BTD: variants seen among roughly 807,000 people sequenced by gnomAD.
The protein encoded by BTD is biocytinase.
BTD carries 13 observed loss-of-function variants against 17.7 expected under a neutral mutation model. That is an observed-to-expected ratio of 0.74 (90% CI 0.48 to 1.17). The LOEUF (loss-of-function observed/expected upper bound fraction) is 1.17. BTD is among the 50% of genes most tolerant of loss of function. The pLI is 0.00. For missense variants in BTD, 674 were observed against 650.4 expected (o/e 1.04, Z -0.39); for synonymous variants, 240 against 245.2 (o/e 0.98, Z 0.20).
intron 3 of BTD, chr3:15,679,260 G>A (rs1172526943): frequency 6.4e-7 from 1 of 1,568,980 alleles, no homozygotes; most frequent in Non-Finnish European, 8.8e-7. Flanking sequence ...ATGAGCCACT[G>A]TGCCTGGCTA....
chr3:15,720,481 TG>T (rs1438946280), intron 4 of BTD, among the ~76,000 whole-genome samples: 1 of 152,214 alleles, frequency 6.6e-6, no homozygotes, highest in Non-Finnish European at 1.5e-5. Flanking sequence ...GTTAAACATC[TG>T]TTTAGTATTT....
intron 3 of BTD, chr3:15,689,993 T>C (rs2068600387): frequency 6.4e-7 from 1 of 1,559,144 alleles, no homozygotes; most frequent in Non-Finnish European, 8.7e-7. Context: ...AAGTTATAAA[T>C]AAATCAAGCA....
chr3:15,678,473 C>A, intron 3 of BTD: 1 of 880,150 alleles, frequency 1.1e-6, no homozygotes, highest in South Asian at 2.2e-5. Context: ...TACAAAAGCA[C>A]TGCCTGTACA....
chr3:15,699,619 T>C (rs1390031683), intron 3 of BTD, among the ~76,000 whole-genome samples: 6 of 152,062 alleles, frequency 3.9e-5, no homozygotes, highest in African/African-American at 7.2e-5. Context: ...ATGCAGCCAA[T>C]AGACATACAA....
In BTD at chr3:15,649,612, C is replaced by T. The variant is rs2065768889; in HGVS notation, c.*4124C>T. 6.6e-6 allele frequency among the ~76,000 whole-genome samples: 1 copy of T among 152,228 alleles called. No homozygotes were observed. The highest frequency in any genetic ancestry group is 2.4e-5 in the African/African-American group (1 of 41,452). On this transcript the variant is annotated 3_prime_UTR_variant, in exon 4 of 4. Transcript: ENST00000643237. ...TTACTGTGAACCTGGGTTTCTGGTC[C>T]AGCCATAGCTACTTCTTTAAGCTCC...
At chr3:15,699,827 T>G (rs963413992) in intron 3 of BTD, among the ~76,000 whole-genome samples, 2 of 152,186 alleles carry the variant, frequency 1.3e-5, no homozygotes. Context: ...GACAGTGTGG[T>G]GATTCCTCAA....
intron 3 of BTD, among the ~76,000 whole-genome samples, chr3:15,675,327 G>A (rs115964500): frequency 1.9e-3 from 294 of 152,228 alleles, no homozygotes; most frequent in African/African-American, 6.5e-3. Flanking sequence ...GAATAACTGC[G>A]GACAGCAAGA....
chr3:15,616,085 A>G (rs1187479429), intron 1 of BTD, among the ~76,000 whole-genome samples: 3 of 152,190 alleles, frequency 2.0e-5, no homozygotes, highest in Admixed American at 6.5e-5. Context: ...AAGTTTTGGT[A>G]ACTATGAAAA....
At chr3:15,677,106 CATTT>C in intron 3 of BTD, 1 of 1,407,082 alleles carries the variant, frequency 7.1e-7, no homozygotes, top group African/African-American at 1.4e-5. Flanking sequence ...ATTAAAGATA[CATTT>C]ATACACCCAA....
At chr3:15,676,928 A>G in intron 3 of BTD, 1 of 1,483,014 alleles carries the variant, frequency 6.7e-7, no homozygotes, top group Non-Finnish European at 9.3e-7. Flanking sequence ...TATCATTTTT[A>G]TAATTATAGG....
chr3:15,679,393 G>A (rs1559319902), intron 3 of BTD: 4 of 1,613,678 alleles, frequency 2.5e-6, no homozygotes, highest in Non-Finnish European at 3.4e-6. Context: ...TCCTGTGTAA[G>A]GTAACAAGGT....
chr3:15,640,015 A>G (rs1468877787), intron 2 of BTD, among the ~76,000 whole-genome samples: 1 of 152,150 alleles, frequency 6.6e-6, no homozygotes. Flanking sequence ...GAGGCACGAG[A>G]ATTACTTGAA....
chr3:15,683,077 T>G (rs971853313), intron 3 of BTD, among the ~76,000 whole-genome samples: 1 of 152,178 alleles, frequency 6.6e-6, no homozygotes, highest in Non-Finnish European at 1.5e-5. Context: ...ACAAACACTG[T>G]AATAGAAAGC....
At chr3:15,670,153 G>T in intron 3 of BTD, 1 of 1,146,940 alleles carries the variant, frequency 8.7e-7, no homozygotes, top group Non-Finnish European at 1.2e-6. Context: ...TCTTAACATT[G>T]GCTCACTGTG....
In BTD at chr3:15,601,751, T is replaced by C; in HGVS notation, c.-160T>C. On this transcript the variant is annotated 5_prime_UTR_variant, in exon 1 of 4. Coordinates refer to ENST00000643237, the MANE Select transcript of BTD (RefSeq NM_001370658.1). The stretch of plus-strand genomic sequence containing the variant: ...AGAGGGAGGCGGGACTAGCAGGAGA[T>C]TGCTGCCTATGCAAAGCAGGTAAGA... 1 of 1,594,932 alleles carries C rather than the reference T, an allele frequency of 6.3e-7. No homozygotes were observed. Among genetic ancestry groups the C allele is most frequent in the Non-Finnish European group, 8.5e-7 (1 of 1,169,812 alleles).
chr3:15,677,520 T>C lies in BTD; in HGVS notation c.400-32540T>C, dbSNP rs766184935. The C allele has an allele frequency of 2.5e-6, 4 of 1,613,218 alleles. No individual in the cohort carries two copies. Among genetic ancestry groups the C allele is most frequent in the Non-Finnish European group, 2.5e-6 (3 of 1,179,352 alleles). ...ATGGAGGGCAGTATTTTTACTGTTA[T>C]CTTGTAAAGTCAGTTCTGCACTAGC... On this transcript the variant is annotated intron_variant, in intron 3 of 3. Transcript: ENST00000672141.
chr3:15,692,660 G>T (rs571945821), intron 3 of BTD, among the ~76,000 whole-genome samples: 72 of 152,168 alleles, frequency 4.7e-4, no homozygotes, highest in Non-Finnish European at 9.1e-4. Flanking sequence ...AAGTTGTCCC[G>T]AATGGGAGAG....
At chr3:15,712,055 AATTTTTAAAAAGC>A in exon 4 of BTD, 1 of 1,058,050 alleles carries the variant, frequency 9.5e-7, no homozygotes, top group South Asian at 1.4e-5. Flanking sequence ...CATCTGCATT[AATTTTTAAAAAGC>A]AGGATAGAGA....
intron 3 of BTD, among the ~76,000 whole-genome samples, chr3:15,698,438 G>A (rs2070015690): frequency 1.3e-5 from 2 of 152,176 alleles, no homozygotes; most frequent in African/African-American, 4.8e-5. Context: ...TAGGAAAAGA[G>A]GAAGTCAAAT....
Sources: gnomAD v4.1 joint callset for allele counts (sites outside exome capture counted in the v4.1 genomes callset) on GRCh38, gnomAD v4.1.1 for gene constraint, MANE v1.5 for transcripts, NCBI Gene and HGNC (gene_info 2026-07-23, HGNC 2026-07-21) for gene names.